FBXL7: variants seen among roughly 807,000 people sequenced by gnomAD.
The protein encoded by FBXL7 is F-box/LRR-repeat protein 7.
In FBXL7, 12 loss-of-function variants were observed where a neutral mutation model predicts 38.3. That is an observed-to-expected ratio of 0.31 (90% CI 0.20 to 0.51). The LOEUF is 0.51. FBXL7 is among the 20% of genes least tolerant of loss of function. FBXL7 has a pLI of 0.98. For missense variants in FBXL7, 567 were observed against 676.4 expected (o/e 0.84, Z 1.79); for synonymous variants, 297 against 300.9 (o/e 0.99, Z 0.13).
At chr5:15,735,278 A>C (rs1735716211) in intron 2 of FBXL7, among the ~76,000 whole-genome samples, 1 of 152,180 alleles carries the variant, frequency 6.6e-6, no homozygotes. Context: ...TTGCTTCTGA[A>C]AACAGAGTTC....
At chr5:15,803,030 T>C (rs1453127179) in intron 2 of FBXL7, among the ~76,000 whole-genome samples, 1 of 152,196 alleles carries the variant, frequency 6.6e-6, no homozygotes, top group African/African-American at 2.4e-5. Flanking sequence ...TTATCATTCC[T>C]CTGGAGAAAA....
At position 15,533,978 on chromosome 5, in the gene FBXL7, CTG is replaced by C. The variant is rs538770939; in HGVS notation, c.37+33267_37+33268del. Among the ~76,000 whole-genome samples, 56 of 152,012 alleles carry C rather than the reference CTG, an allele frequency of 3.7e-4. 1 individual carries two copies. The highest frequency in any genetic ancestry group is 2.7e-3 in the Admixed American group (41 of 15,270). On this transcript the variant is annotated intron_variant, in intron 1 of 3. Coordinates refer to ENST00000504595, the MANE Select transcript of FBXL7 (RefSeq NM_012304.5). ...CTTTTTTGTCTCTTTATTATTAAGTCTGTTTATTACTTAAATCTATTTATGAT... is the reference window on the plus strand; with the variant it reads ...CTTTTTTGTCTCTTTATTATTAAGTCTTTATTACTTAAATCTATTTATGAT...
At chr5:15,648,846 T>A (rs1414225231) in intron 2 of FBXL7, among the ~76,000 whole-genome samples, 1 of 152,062 alleles carries the variant, frequency 6.6e-6, no homozygotes, top group Admixed American at 6.5e-5. Context: ...TAAAACTGTT[T>A]TATTGTCTCA....
intron 2 of FBXL7, among the ~76,000 whole-genome samples, chr5:15,832,847 A>G (rs1363860377): frequency 6.6e-6 from 1 of 151,994 alleles, no homozygotes; most frequent in Non-Finnish European, 1.5e-5. Context: ...CCCCACCCAA[A>G]TCTCATCTTA....
chr5:15,840,385 GA>G (rs1561146836), intron 2 of FBXL7, among the ~76,000 whole-genome samples: 1 of 152,150 alleles, frequency 6.6e-6, no homozygotes, highest in African/African-American at 2.4e-5. Context: ...GTTAAGAATA[GA>G]GCTTAGCTTT....
chr5:15,786,712 A>C (rs955354858), intron 2 of FBXL7, among the ~76,000 whole-genome samples: 1 of 152,310 alleles, frequency 6.6e-6, no homozygotes, highest in East Asian at 1.9e-4. Flanking sequence ...TAAATTTAAT[A>C]AAAAAATTAA....
intron 2 of FBXL7, among the ~76,000 whole-genome samples, chr5:15,879,073 T>G (rs1197868915): frequency 6.6e-6 from 1 of 152,224 alleles, no homozygotes. Context: ...CTTGTTTTCT[T>G]TCTCAAGAAT....
intron 1 of FBXL7, among the ~76,000 whole-genome samples, chr5:15,515,225 G>A (rs972662819): frequency 2.0e-5 from 3 of 152,192 alleles, no homozygotes; most frequent in Admixed American, 6.5e-5. Context: ...TAAGAGATAT[G>A]CACTGGTTTT....
intron 2 of FBXL7, among the ~76,000 whole-genome samples, chr5:15,885,003 C>T (rs985144047): frequency 1.3e-5 from 2 of 152,186 alleles, no homozygotes; most frequent in African/African-American, 2.4e-5. Flanking sequence ...CTTACAACAA[C>T]AGCACTATTA....
intron 2 of FBXL7, among the ~76,000 whole-genome samples, chr5:15,818,702 TC>T (rs1738084195): frequency 3.2e-5 from 3 of 93,756 alleles, no homozygotes; most frequent in Non-Finnish European, 6.2e-5. Context: ...TCCCATTATT[TC>T]GTGTGTGTGT....
At chr5:15,843,562 T>C (rs1294405105) in intron 2 of FBXL7, among the ~76,000 whole-genome samples, 1 of 152,198 alleles carries the variant, frequency 6.6e-6, no homozygotes, top group African/African-American at 2.4e-5. Context: ...ACAGTAGTGT[T>C]CAGAAGACGA....
At chr5:15,881,462 T>C (rs1400352274) in intron 2 of FBXL7, among the ~76,000 whole-genome samples, 1 of 152,256 alleles carries the variant, frequency 6.6e-6, no homozygotes, top group African/African-American at 2.4e-5. Flanking sequence ...ATTTTTGCAA[T>C]TGCAGATTAT....
intron 2 of FBXL7, among the ~76,000 whole-genome samples, chr5:15,669,580 C>T (rs1742399875): frequency 2.0e-5 from 3 of 152,164 alleles, no homozygotes; most frequent in Admixed American, 2.0e-4. Context: ...TCTCCCACCT[C>T]TCCACCACAG....
chr5:15,569,701 C>G (rs986657451), intron 1 of FBXL7, among the ~76,000 whole-genome samples: 1 of 152,082 alleles, frequency 6.6e-6, no homozygotes, highest in African/African-American at 2.4e-5. Context: ...AGTTTTTGTC[C>G]ATTCAGTATG....
At chr5:15,874,766 A>G (rs577739073) in intron 2 of FBXL7, among the ~76,000 whole-genome samples, 1 of 152,212 alleles carries the variant, frequency 6.6e-6, no homozygotes, top group Non-Finnish European at 1.5e-5. Context: ...ATCAGAGAGG[A>G]CACAAACAAA....
intron 1 of FBXL7, among the ~76,000 whole-genome samples, chr5:15,514,889 T>C (rs1431132920): frequency 6.6e-6 from 1 of 152,220 alleles, no homozygotes; most frequent in Non-Finnish European, 1.5e-5. Context: ...GGGACAATTC[T>C]GAAGGGTCAT....
rs566841374 is a variant in FBXL7 at position 15,924,282 on chromosome 5, A to T, written c.128-3608A>T. Among the ~76,000 whole-genome samples the T allele has an allele frequency of 7.2e-5, 11 of 152,370 alleles. 1 individual carries two copies. In the South Asian group the frequency reaches 2.3e-3, roughly 32 times the overall value. On this transcript the variant is annotated intron_variant, in intron 2 of 3. Transcript: ENST00000504595. The stretch of plus-strand genomic sequence containing the variant: ...ACCTGGAACAGAAAAATACATGCCA[A>T]GCTGGAATTATTTTTTAACATATAC...
chr5:15,772,375 T>C (rs1736751540), intron 2 of FBXL7, among the ~76,000 whole-genome samples: 1 of 152,170 alleles, frequency 6.6e-6, no homozygotes, highest in South Asian at 2.1e-4. Flanking sequence ...TTCTGAATCA[T>C]TGTCCAAATT....
In FBXL7 at chr5:15,554,571, C is replaced by T. The variant is rs143939483; in HGVS notation, c.37+53858C>T. On this transcript the variant is annotated intron_variant, in intron 1 of 3. Transcript: ENST00000504595. ...AAGATAATTTGCTGAAAAAATTTGG[C>T]TAACTCTAAACATTGTAGTTGCAAA... 3.5e-4 allele frequency among the ~76,000 whole-genome samples: 54 copies of T among 152,292 alleles called. 2 individuals carry two copies. In the South Asian group the frequency reaches 0.011, roughly 30 times the overall value.
Sources: allele counts gnomAD v4.1 joint callset (sites outside exome capture counted in the v4.1 genomes callset), GRCh38; gene constraint gnomAD v4.1.1; transcripts MANE v1.5; gene names NCBI Gene and HGNC (gene_info 2026-07-23, HGNC 2026-07-21).